AATF: variants seen among roughly 807,000 people sequenced by gnomAD.
The protein encoded by AATF is apoptosis antagonizing transcription factor, also known as protein AATF.
In AATF, 48 loss-of-function variants were observed where a neutral mutation model predicts 63.7. The observed-to-expected ratio is 0.75, with a 90% CI of 0.60 to 0.96. The LOEUF is 0.96. Ranked by LOEUF, AATF falls within the 40% of genes least tolerant of loss-of-function variation. The probability of loss-of-function intolerance (pLI) is 0.00; values close to 1 mark genes in which losing one functional copy is unlikely to be tolerated. For missense variants in AATF, 639 were observed against 685.7 expected (o/e 0.93, Z 0.76); for synonymous variants, 258 against 247.7 (o/e 1.04, Z -0.39).
At chr17:36,973,306 T>C (rs545238214) in intron 4 of AATF, among the ~76,000 whole-genome samples, 13 of 152,332 alleles carry the variant, frequency 8.5e-5, no homozygotes, top group East Asian at 1.9e-4. Context: ...TTTAAAGGAC[T>C]GTGTACAACA....
Position 37,019,071 on chromosome 17 carries a change from A to G in AATF, c.1465A>G (p.Arg489Gly), listed in dbSNP as rs2071449877. The G allele has an allele frequency of 6.2e-7, 1 of 1,613,808 alleles. No individual in the cohort carries two copies. The highest frequency in any genetic ancestry group is 8.5e-7 in the Non-Finnish European group (1 of 1,179,798). ...LDPNDQVAMG[R>G]QWLAIQKLRS... ...TCCCAACGATCAGGTGGCCATGGGA[A>G]GGTAATTTAGATACAGCTTTCTGTT... is the stretch of plus-strand genomic sequence containing the variant. The change falls in exon 9 of 12, where the codon AGG becomes GGG. Residue 489 changes from arginine (R) to glycine (G), a missense_variant and splice_region_variant. Coordinates refer to ENST00000619387, the MANE Select transcript of AATF (RefSeq NM_012138.4).
At chr17:36,991,758 TG>T (rs1456877838) in intron 8 of AATF, among the ~76,000 whole-genome samples, 3 of 152,088 alleles carry the variant, frequency 2.0e-5, no homozygotes, top group Admixed American at 1.3e-4. Flanking sequence ...GCTAATTTTT[TG>T]TATTTTTAGT....
At chr17:37,020,244 G>A (rs528496032) in intron 9 of AATF, among the ~76,000 whole-genome samples, 1 of 151,948 alleles carries the variant, frequency 6.6e-6, no homozygotes, top group East Asian at 1.9e-4. Flanking sequence ...AGACATTCCA[G>A]GAAATGTGAA....
chr17:36,999,323 G>A (rs951730819), intron 8 of AATF: 13 of 152,126 alleles, frequency 8.5e-5, no homozygotes, highest in South Asian at 6.2e-4. Flanking sequence ...TATCTACTGT[G>A]TATTTATTGA....
At chr17:37,014,005 A>T (rs2071411305) in intron 8 of AATF, among the ~76,000 whole-genome samples, 1 of 151,998 alleles carries the variant, frequency 6.6e-6, no homozygotes, top group Non-Finnish European at 1.5e-5. Flanking sequence ...TATTCCTGGG[A>T]CTTGCCTTTG....
At chr17:37,055,418 G>A (rs1349896799) in intron 11 of AATF, 2 of 151,842 alleles carry the variant, frequency 1.3e-5, no homozygotes, top group Non-Finnish European at 2.9e-5. Flanking sequence ...ACTATAGTAG[G>A]GTGACTTCAA....
At chr17:37,038,808 A>G (rs916046763) in intron 11 of AATF, among the ~76,000 whole-genome samples, 3 of 152,188 alleles carry the variant, frequency 2.0e-5, no homozygotes, top group Non-Finnish European at 4.4e-5. Context: ...AAAAAAGAAC[A>G]AGGAGAGGAT....
intron 11 of AATF, among the ~76,000 whole-genome samples, chr17:37,032,920 A>G (rs1327962224): frequency 1.3e-5 from 2 of 152,184 alleles, no homozygotes; most frequent in Admixed American, 6.5e-5. Context: ...TTTTAAACAT[A>G]TTTACCAAGT....
intron 11 of AATF, among the ~76,000 whole-genome samples, chr17:37,047,487 C>T (rs986776128): frequency 5.3e-5 from 8 of 152,144 alleles, no homozygotes; most frequent in Non-Finnish European, 1.2e-4. Flanking sequence ...CCTTCTCGCC[C>T]CCATCCCTCT....
chr17:37,041,936 T>G (rs1315080207), intron 11 of AATF, among the ~76,000 whole-genome samples: 1 of 152,246 alleles, frequency 6.6e-6, no homozygotes, highest in Non-Finnish European at 1.5e-5. Flanking sequence ...CTAATGTTTA[T>G]TTTCTCTTAT....
At chr17:36,994,960 A>G (rs2071243334) in intron 8 of AATF, among the ~76,000 whole-genome samples, 1 of 152,230 alleles carries the variant, frequency 6.6e-6, no homozygotes, top group Non-Finnish European at 1.5e-5. Flanking sequence ...CTTAGCAATA[A>G]GCTATATAAA....
chr17:37,000,252 GAC>G (rs1314519854), intron 8 of AATF, among the ~76,000 whole-genome samples: 1 of 152,118 alleles, frequency 6.6e-6, no homozygotes, highest in Non-Finnish European at 1.5e-5. Flanking sequence ...AGGTTGAGCT[GAC>G]ACAGGATTTG....
chr17:37,019,899 G>A (rs1395272683), intron 9 of AATF, among the ~76,000 whole-genome samples: 4 of 152,160 alleles, frequency 2.6e-5, no homozygotes, highest in Non-Finnish European at 5.9e-5. Flanking sequence ...AGAGCAAATT[G>A]CATTTAAGTG....
chr17:36,977,652 C>G lies in AATF; in HGVS notation c.833-8965C>G, dbSNP rs555636745. 8.1e-4 allele frequency among the ~76,000 whole-genome samples: 124 copies of G among 152,164 alleles called. 1 individual carries two copies. Among genetic ancestry groups the G allele is most frequent in the African/African-American group, 2.9e-3 (121 of 41,518 alleles). On this transcript the variant is annotated intron_variant, in intron 4 of 11. Coordinates refer to ENST00000619387, the MANE Select transcript of AATF (RefSeq NM_012138.4). ...AATATATGCTTATAAAATATTCAAA[C>G]AGTTCAAAAGTATATCAAATAAAAA...
At chr17:36,980,451 A>T (rs761141210) in intron 4 of AATF, 1 of 152,226 alleles carries the variant, frequency 6.6e-6, no homozygotes, top group Non-Finnish European at 1.5e-5. Context: ...GCCATGTGCC[A>T]AGAGGGAGAG....
intron 11 of AATF, among the ~76,000 whole-genome samples, chr17:37,039,873 C>G (rs2071623003): frequency 1.3e-5 from 2 of 152,158 alleles, no homozygotes. Flanking sequence ...TGGCTCCAAG[C>G]AGGAGGTAGA....
intron 5 of AATF, among the ~76,000 whole-genome samples, chr17:36,987,837 T>C (rs1333667904): frequency 6.6e-6 from 1 of 152,224 alleles, no homozygotes; most frequent in Admixed American, 6.5e-5. Context: ...ATTTCCCTTA[T>C]TGATTTGAGG....
At chr17:37,019,246 C>A (rs1054102528) in intron 9 of AATF, among the ~76,000 whole-genome samples, 174 bp downstream of exon 9, 3 of 152,186 alleles carry the variant, frequency 2.0e-5, no homozygotes, top group Admixed American at 1.3e-4. Flanking sequence ...GCCTAAAGTG[C>A]AATTTGTAAA....
chr17:36,963,155 C>T (rs923191342), intron 4 of AATF, among the ~76,000 whole-genome samples: 5 of 152,098 alleles, frequency 3.3e-5, no homozygotes, highest in African/African-American at 1.2e-4. Flanking sequence ...GAGAGAGAAA[C>T]TGTTTATATA....
Sources: gnomAD v4.1 joint callset for allele counts (sites outside exome capture counted in the v4.1 genomes callset) on GRCh38, gnomAD v4.1.1 for gene constraint, MANE v1.5 for transcripts, NCBI Gene and HGNC (gene_info 2026-07-23, HGNC 2026-07-21) for gene names.